Variants in NIPBL observed in about 807,000 individuals in gnomAD.
The protein encoded by NIPBL is NIPBL cohesin loading factor.
In NIPBL, 19 loss-of-function variants were observed where a neutral mutation model predicts 321.8. The ratio of observed to expected loss-of-function variants is 0.06; its 90% CI spans 0.04 to 0.09. NIPBL has a LOEUF of 0.09. NIPBL is among the 10% of genes least tolerant of loss of function. The pLI, the probability that NIPBL is intolerant of heterozygous loss-of-function variation, is 1.00. For synonymous variants in NIPBL, 1,106 were observed against 1,114.1 expected (o/e 0.99, Z 0.14); for missense variants, 2,210 against 3,327.0 (o/e 0.66, Z 8.26).
At chr5:36,885,207 T>G in intron 1 of NIPBL, 2 of 533,816 alleles carry the variant, frequency 3.7e-6, no homozygotes, top group South Asian at 1.4e-5. Context: ...CTGGACAGCA[T>G]GAGCTTCACC....
intron 32 of NIPBL, among the ~76,000 whole-genome samples, chr5:37,030,175 T>TAC (rs1750808741): frequency 6.6e-6 from 1 of 152,142 alleles, no homozygotes; most frequent in Non-Finnish European, 1.5e-5. Flanking sequence ...ACAATGATAG[T>TAC]TTTACTTGTA....
chr5:37,027,882 G>T (rs1750488693), intron 32 of NIPBL, among the ~76,000 whole-genome samples: 3 of 152,074 alleles, frequency 2.0e-5, no homozygotes, highest in Admixed American at 6.5e-5. Context: ...GCCTCCCAAA[G>T]TGCTGGGATT....
chr5:37,003,847 T>A (rs1336511700), intron 16 of NIPBL, among the ~76,000 whole-genome samples: 2 of 152,206 alleles, frequency 1.3e-5, no homozygotes, highest in African/African-American at 4.8e-5. Flanking sequence ...AAAGTAAGAA[T>A]AATAAAGACA....
intron 1 of NIPBL, among the ~76,000 whole-genome samples, chr5:36,906,722 A>G (rs1188954356): frequency 6.6e-6 from 1 of 152,210 alleles, no homozygotes; most frequent in Admixed American, 6.5e-5. Context: ...AGTCTTCAGT[A>G]GAAGATATAA....
At chr5:36,895,016 G>T (rs1419814512) in intron 1 of NIPBL, among the ~76,000 whole-genome samples, 2 of 152,110 alleles carry the variant, frequency 1.3e-5, no homozygotes. Context: ...CTTATAAACT[G>T]TAAAATTCAC....
In NIPBL at chr5:37,063,845, T is replaced by C; in HGVS notation, c.7916T>C (p.Val2639Ala). The C allele has an allele frequency of 6.2e-7, 1 of 1,613,646 alleles. No homozygotes were observed. Among genetic ancestry groups the C allele is most frequent in the South Asian group, 1.1e-5 (1 of 91,038 alleles). ...DPDEEEEEGE[V>A]SASTNARNKA... ...GATGAAGAAGAAGAAGAAGGGGAGG[T>C]TTCAGCTAGCACAAATGCTCGGAAC... The change falls in exon 46 of 47, where the codon GTT (valine) becomes GCT (alanine). Residue 2639 changes from valine (V) to alanine (A), a missense_variant. Val to Ala is a moderately conservative substitution (Grantham distance 64). Around this residue, in one of 14 missense-constraint regions of NIPBL, gnomAD observed 159 missense variants for 319.2 expected, o/e 0.50. Transcript: ENST00000282516.
In NIPBL at chr5:37,006,441, A is replaced by T; in HGVS notation, c.3940A>T (p.Thr1314Ser). Residue 1314 changes from threonine (T) to serine (S), a missense_variant, in exon 17 of 47, where the codon ACT becomes TCT. Thr to Ser is a moderately conservative substitution (Grantham distance 58). This residue lies in a region of NIPBL where 381 missense variants were observed against 642.3 expected (regional missense o/e 0.59). Coordinates refer to ENST00000282516, the MANE Select transcript of NIPBL (RefSeq NM_133433.4). ...AAAATCAGCGGATGCTTGTCTTACA[A>T]CTATCAACATTATGACATCCCCTAA... ...VTKSADACLTTINIMTSPNMP... is the reference protein window; with the variant it reads ...VTKSADACLTSINIMTSPNMP... 1 of 1,612,974 alleles carries T rather than the reference A, an allele frequency of 6.2e-7. No individual in the cohort carries two copies. Among genetic ancestry groups the T allele is most frequent in the Non-Finnish European group, 8.5e-7 (1 of 1,179,092 alleles).
chr5:36,952,835 G>A (rs140380581), intron 1 of NIPBL, among the ~76,000 whole-genome samples: 10 of 152,254 alleles, frequency 6.6e-5, no homozygotes, highest in Admixed American at 3.9e-4. Context: ...TTAAGTAATC[G>A]TGCAAGATTG....
intron 37 of NIPBL, 118 bp from the exon 38 acceptor site, chr5:37,045,991 A>AT: frequency 3.1e-6 from 2 of 651,020 alleles, no homozygotes; most frequent in African/African-American, 1.8e-5. Context: ...TTGGTTACTT[A>AT]TTTTTTTAAT....
chr5:37,041,267 T>G (rs986901848), intron 34 of NIPBL, among the ~76,000 whole-genome samples: 1 of 127,604 alleles, frequency 7.8e-6, no homozygotes, highest in Non-Finnish European at 1.6e-5. Flanking sequence ...TTTTTTTTTT[T>G]TTTTTTTTTT....
chr5:37,007,358 T>C lies in NIPBL; in HGVS notation c.4123T>C (p.Cys1375Arg). ...AAGTTCAAAAGCAAAACGGGCTAAA[T>C]GTTCTACCCATAAGCAGAGAGTAAT... is the stretch of plus-strand genomic sequence containing the variant. ...LLSSKAKRAK[C>R]STHKQRVIVM... Residue 1375 changes from cysteine (C) to arginine (R), a missense_variant, in exon 18 of 47, where the codon TGT (cysteine) becomes CGT (arginine). Cys to Arg is a radical substitution (Grantham distance 180). Transcript: ENST00000282516. 6.2e-7 allele frequency: 1 copy of C among 1,612,352 alleles called. No individual in the cohort carries two copies. The highest frequency in any genetic ancestry group is 8.5e-7 in the Non-Finnish European group (1 of 1,178,818).
chr5:36,984,291 CTT>C (rs977027509), intron 9 of NIPBL, among the ~76,000 whole-genome samples: 1 of 151,882 alleles, frequency 6.6e-6, no homozygotes, highest in African/African-American at 2.4e-5. Context: ...CTGAGTGAGA[CTT>C]TATGATTTGT....
At chr5:36,948,046 A>T (rs758427853) in intron 1 of NIPBL, among the ~76,000 whole-genome samples, 8 of 151,986 alleles carry the variant, frequency 5.3e-5, no homozygotes, top group Admixed American at 2.0e-4. Context: ...AGATTAAAAT[A>T]TAGAATCATC....
In NIPBL at chr5:36,995,704, T is replaced by C. The variant is rs768002739; in HGVS notation, c.3204T>C (p.Arg1068=). Residue 1068 remains arginine (R), a synonymous_variant, in exon 11 of 47, where the codon CGT becomes CGC. Coordinates refer to ENST00000282516, the MANE Select transcript of NIPBL (RefSeq NM_133433.4). ...EIESTMPLCE[R]VKMNKRKRST... ...AGTCCACCATGCCACTTTGTGAACGTGTGAAAATGAACAAACGCAAGCGTA... is the reference window on the plus strand; with the variant it reads ...AGTCCACCATGCCACTTTGTGAACGCGTGAAAATGAACAAACGCAAGCGTA... 2.0e-5 allele frequency: 32 copies of C among 1,613,660 alleles called. No homozygotes were observed. In the East Asian group the frequency reaches 3.8e-4, roughly 19 times the overall value.
At chr5:37,023,667 C>G (rs1749911125) in intron 29 of NIPBL, among the ~76,000 whole-genome samples, 1 of 147,400 alleles carries the variant, frequency 6.8e-6, no homozygotes, top group African/African-American at 2.5e-5. Flanking sequence ...TTTCATTCTT[C>G]TTTTTTAAGA....
chr5:37,014,838 G>A, intron 22 of NIPBL, 73 bp downstream of exon 22: 1 of 898,374 alleles, frequency 1.1e-6, no homozygotes, highest in Non-Finnish European at 1.9e-6. Context: ...TTAAAAAGAT[G>A]AATCCAATTT....
intron 9 of NIPBL, among the ~76,000 whole-genome samples, chr5:36,978,415 A>G (rs1743755670): frequency 6.6e-6 from 1 of 151,904 alleles, no homozygotes; most frequent in South Asian, 2.1e-4. Context: ...GTGTCTGTTC[A>G]TGTCTTTTGC....
At chr5:36,966,939 A>G (rs1267721753) in intron 6 of NIPBL, among the ~76,000 whole-genome samples, 2 of 151,918 alleles carry the variant, frequency 1.3e-5, no homozygotes, top group Non-Finnish European at 2.9e-5. Context: ...CAGACCGAAA[A>G]CCTCGATTGT....
chr5:36,907,655 G>A (rs1218979917), intron 1 of NIPBL, among the ~76,000 whole-genome samples: 2 of 152,016 alleles, frequency 1.3e-5, no homozygotes, highest in Non-Finnish European at 2.9e-5. Context: ...GCATTAGGGT[G>A]ACAGGATTAT....
Sources: allele counts gnomAD v4.1 joint callset (sites outside exome capture counted in the v4.1 genomes callset), GRCh38; gene constraint gnomAD v4.1.1; regional missense constraint gnomAD v4.1.1; transcripts MANE v1.5; gene names NCBI Gene and HGNC (gene_info 2026-07-23, HGNC 2026-07-21).